The following CSMD3 variants were observed in gnomAD, a reference collection of about 807,000 sequenced individuals.
CSMD3 encodes CUB and Sushi multiple domains 3.
A neutral mutation model predicts 435.2 loss-of-function variants in CSMD3; 177 were observed. That is an observed-to-expected ratio of 0.41 (90% CI 0.36 to 0.46). The LOEUF (loss-of-function observed/expected upper bound fraction) is 0.46, where lower values mean the gene tolerates loss of function less well. Ranked by LOEUF, CSMD3 falls within the 20% of genes least tolerant of loss-of-function variation. The pLI is 0.34. For synonymous variants in CSMD3, 1,656 were observed against 1,520.5 expected (o/e 1.09, Z -2.07); for missense variants, 4,265 against 4,504.6 (o/e 0.95, Z 1.52).
intron 4 of CSMD3, among the ~76,000 whole-genome samples, chr8:113,127,666 C>G (rs1163482811): frequency 6.6e-6 from 1 of 151,988 alleles, no homozygotes; most frequent in African/African-American, 2.4e-5. Context: ...TGTCTCCTCA[C>G]AAAAATTCTA....
chr8:112,926,388 G>A (rs2082912943), intron 9 of CSMD3, among the ~76,000 whole-genome samples: 1 of 151,932 alleles, frequency 6.6e-6, no homozygotes, highest in African/African-American at 2.4e-5. Context: ...GCCCTACCCA[G>A]CCAAATAAAA....
intron 38 of CSMD3, among the ~76,000 whole-genome samples, chr8:112,378,168 A>C (rs987975716): frequency 1.7e-5 from 1 of 58,708 alleles, no homozygotes; most frequent in Admixed American, 2.2e-4. Context: ...CAAACACACA[A>C]AAAAAAATGT....
chr8:112,662,971 C>T (rs61442940), intron 17 of CSMD3, among the ~76,000 whole-genome samples: 20,852 of 151,790 alleles, frequency 0.14, 1,544 homozygotes, highest in Middle Eastern at 0.31. Context: ...AAAACCACAA[C>T]GAGATACCAT....
At chr8:113,244,835 T>C (rs2093259245) in intron 3 of CSMD3, among the ~76,000 whole-genome samples, 1 of 152,162 alleles carries the variant, frequency 6.6e-6, no homozygotes, top group Non-Finnish European at 1.5e-5. Flanking sequence ...TTTATTCAAG[T>C]CTTCTATTTT....
At chr8:112,494,472 C>G (rs867011817) in intron 30 of CSMD3, among the ~76,000 whole-genome samples, 9 of 100,966 alleles carry the variant, frequency 8.9e-5, no homozygotes, top group Non-Finnish European at 1.6e-4. Context: ...CTTTCTCTTT[C>G]TTTTCTTTTG....
At chr8:113,266,660 G>A (rs956822692) in intron 3 of CSMD3, among the ~76,000 whole-genome samples, 1 of 151,584 alleles carries the variant, frequency 6.6e-6, no homozygotes, top group African/African-American at 2.4e-5. Context: ...CTTAGTAGTA[G>A]TAGTGTTATT....
intron 13 of CSMD3, among the ~76,000 whole-genome samples, chr8:112,757,182 T>C (rs2077720402): frequency 6.6e-6 from 1 of 152,170 alleles, no homozygotes; most frequent in Non-Finnish European, 1.5e-5. Flanking sequence ...TTTAGTATAT[T>C]AACACGGTGG....
intron 1 of CSMD3, among the ~76,000 whole-genome samples, chr8:113,332,620 G>T (rs1380517822): frequency 6.6e-6 from 1 of 151,774 alleles, no homozygotes; most frequent in African/African-American, 2.4e-5. Flanking sequence ...TGAAAGACAT[G>T]AAAGAATATG....
chr8:113,048,277 TAG>T (rs1019153484), intron 5 of CSMD3, among the ~76,000 whole-genome samples: 6 of 152,128 alleles, frequency 3.9e-5, no homozygotes, highest in African/African-American at 1.4e-4. Context: ...GTATTTTTAG[TAG>T]AGACGGGGTT....
chr8:112,537,477 C>T (rs557106815), intron 27 of CSMD3, among the ~76,000 whole-genome samples: 21 of 151,828 alleles, frequency 1.4e-4, no homozygotes, highest in African/African-American at 5.1e-4. Flanking sequence ...ACTAAATTAA[C>T]AATTTTTTCT....
chr8:113,057,923 T>C (rs2088422636), intron 5 of CSMD3, among the ~76,000 whole-genome samples: 1 of 151,782 alleles, frequency 6.6e-6, no homozygotes, highest in African/African-American at 2.4e-5. Flanking sequence ...GTAATACGTG[T>C]CCTAAATAAA....
At chr8:112,386,552 C>T (rs975447630) in intron 36 of CSMD3, among the ~76,000 whole-genome samples, 1 of 151,982 alleles carries the variant, frequency 6.6e-6, no homozygotes. Flanking sequence ...GGATGGAGTG[C>T]AGTGGCGCGA....
chr8:112,549,541 T>A (rs879389332), intron 27 of CSMD3, among the ~76,000 whole-genome samples: 10 of 152,062 alleles, frequency 6.6e-5, no homozygotes, highest in Non-Finnish European at 1.5e-4. Context: ...TTTAACTGTA[T>A]AATTGTTTAC....
chr8:113,213,327 C>A (rs892718017), intron 3 of CSMD3, among the ~76,000 whole-genome samples: 32 of 152,160 alleles, frequency 2.1e-4, no homozygotes, highest in African/African-American at 7.7e-4. Flanking sequence ...GACATGCCAG[C>A]ATGAACACAG....
chr8:112,509,841 C>A (rs1465700989), intron 28 of CSMD3, among the ~76,000 whole-genome samples: 2 of 152,142 alleles, frequency 1.3e-5, no homozygotes, highest in African/African-American at 4.8e-5. Flanking sequence ...ACACCTTTCC[C>A]TATCTCCTCC....
At chr8:112,718,214 T>G (rs1042150597) in intron 13 of CSMD3, among the ~76,000 whole-genome samples, 1 of 152,110 alleles carries the variant, frequency 6.6e-6, no homozygotes, top group African/African-American at 2.4e-5. Flanking sequence ...ATTTTTCTCC[T>G]CCTGTTTTGT....
intron 5 of CSMD3, among the ~76,000 whole-genome samples, chr8:113,082,850 G>A (rs1026872480): frequency 1.3e-5 from 2 of 151,948 alleles, no homozygotes; most frequent in African/African-American, 4.8e-5. Context: ...GATCAAGCAG[G>A]AGAAAAAATT....
At chr8:113,170,902 T>C (rs1247361441) in intron 4 of CSMD3, among the ~76,000 whole-genome samples, 3 of 151,752 alleles carry the variant, frequency 2.0e-5, no homozygotes, top group Non-Finnish European at 2.9e-5. Flanking sequence ...TAAAAAATCA[T>C]AGAAGTTAGA....
At position 112,958,544 on chromosome 8, in the gene CSMD3, T is replaced by C. The variant is rs527485174; in HGVS notation, c.1343-3783A>G. Among the ~76,000 whole-genome samples the C allele has an allele frequency of 6.3e-4, 96 of 152,270 alleles. 1 individual carries two copies. The highest frequency in any genetic ancestry group is 8.5e-4 in the Non-Finnish European group (58 of 68,008). On this transcript the variant is annotated intron_variant, in intron 7 of 70. Coordinates refer to ENST00000297405, the MANE Select transcript of CSMD3 (RefSeq NM_198123.2). ...ACTGTGGCGTCTTCCAGGTTGTCCG[T>C]TGTCTTCAAGATCAATATAAATTCA... is the stretch of plus-strand genomic sequence containing the variant.
Sources: allele counts gnomAD v4.1 joint callset (sites outside exome capture counted in the v4.1 genomes callset), GRCh38; gene constraint gnomAD v4.1.1; transcripts MANE v1.5; gene names NCBI Gene and HGNC (gene_info 2026-07-23, HGNC 2026-07-21).